Variants in SNTG2 observed in about 807,000 individuals in gnomAD.
SNTG2 encodes syntrophin gamma 2.
A neutral mutation model predicts 70.9 loss-of-function variants in SNTG2; 74 were observed. That is an observed-to-expected ratio of 1.04 (90% CI 0.86 to 1.27). The LOEUF is 1.27. SNTG2 is among the 50% of genes most tolerant of loss of function. The pLI, the probability that SNTG2 is intolerant of heterozygous loss-of-function variation, is 0.00. For missense variants in SNTG2, 717 were observed against 690.7 expected (o/e 1.04, Z -0.43); for synonymous variants, 278 against 273.8 (o/e 1.02, Z -0.15).
chr2:1,290,583 G>C (rs1424162908), intron 14 of SNTG2, among the ~76,000 whole-genome samples: 4 of 152,080 alleles, frequency 2.6e-5, no homozygotes, highest in Admixed American at 2.6e-4. Flanking sequence ...CAAAGTGCTG[G>C]GATTACAGGT....
At chr2:957,043 G>C (rs149646357) in intron 1 of SNTG2, among the ~76,000 whole-genome samples, 1 of 152,194 alleles carries the variant, frequency 6.6e-6, no homozygotes, top group African/African-American at 2.4e-5. Flanking sequence ...GGCTCTGTCA[G>C]TTTGCCTTTT....
chr2:1,144,614 CATG>C (rs1475617805), intron 6 of SNTG2, among the ~76,000 whole-genome samples: 1 of 152,180 alleles, frequency 6.6e-6, no homozygotes, highest in Non-Finnish European at 1.5e-5. Flanking sequence ...GCCTCAGAAT[CATG>C]GTGGAAGGCG....
At chr2:1,274,313 A>G (rs925774982) in intron 14 of SNTG2, among the ~76,000 whole-genome samples, 1 of 152,256 alleles carries the variant, frequency 6.6e-6, no homozygotes, top group Non-Finnish European at 1.5e-5. Flanking sequence ...TTTGTAAACA[A>G]CAATAACTAA....
At chr2:984,066 C>T (rs1045998920) in intron 1 of SNTG2, among the ~76,000 whole-genome samples, 1 of 152,144 alleles carries the variant, frequency 6.6e-6, no homozygotes, top group Non-Finnish European at 1.5e-5. Context: ...CCAAGCTGCC[C>T]CATTGCTGAG....
At chr2:1,142,962 T>C (rs1282597004) in intron 6 of SNTG2, among the ~76,000 whole-genome samples, 1 of 152,226 alleles carries the variant, frequency 6.6e-6, no homozygotes. Flanking sequence ...GGGCTAGTTA[T>C]GAGACTAGAA....
At chr2:989,320 T>TAGTC (rs1024299446) in intron 1 of SNTG2, among the ~76,000 whole-genome samples, 3 of 150,684 alleles carry the variant, frequency 2.0e-5, no homozygotes, top group African/African-American at 7.3e-5. Flanking sequence ...CAGGGATAAA[T>TAGTC]AGTCCCTTTT....
chr2:974,851 G>T (rs529703251), intron 1 of SNTG2, among the ~76,000 whole-genome samples: 3 of 152,194 alleles, frequency 2.0e-5, no homozygotes, highest in Admixed American at 6.5e-5. Context: ...ATTCTCTGTG[G>T]TTAGGGTAGA....
intron 14 of SNTG2, among the ~76,000 whole-genome samples, chr2:1,307,976 G>T (rs1476543865): frequency 6.6e-5 from 10 of 152,200 alleles, no homozygotes; most frequent in African/African-American, 2.4e-4. Flanking sequence ...TGTAGTTTTT[G>T]TTTGTTTTTG....
intron 1 of SNTG2, among the ~76,000 whole-genome samples, chr2:1,001,128 A>G (rs999845139): frequency 1.3e-5 from 2 of 152,048 alleles, no homozygotes; most frequent in African/African-American, 2.4e-5. Context: ...TAAAAATAAT[A>G]AGAGCCATGT....
At chr2:1,342,449 T>C (rs1017948968) in intron 16 of SNTG2, among the ~76,000 whole-genome samples, 1 of 34,664 alleles carries the variant, frequency 2.9e-5, no homozygotes. Context: ...AAGCAGGACA[T>C]GCATAGGAAG....
intron 9 of SNTG2, among the ~76,000 whole-genome samples, chr2:1,222,023 CTCTGCCTATCTCT>C (rs1675098253): frequency 1.2e-5 from 1 of 84,972 alleles, no homozygotes; most frequent in Non-Finnish European, 2.7e-5. Context: ...CTCTCTCTGT[CTCTGCCTATCTCT>C]GTCTCTCTCT....
chr2:1,170,677 C>A (rs1040967241), intron 7 of SNTG2, among the ~76,000 whole-genome samples: 3 of 152,172 alleles, frequency 2.0e-5, no homozygotes, highest in South Asian at 2.1e-4. Flanking sequence ...GAACAGCATC[C>A]GTCCTAGGGA....
intron 6 of SNTG2, among the ~76,000 whole-genome samples, chr2:1,157,055 T>A (rs1669945824): frequency 6.6e-6 from 1 of 152,160 alleles, no homozygotes; most frequent in Non-Finnish European, 1.5e-5. Flanking sequence ...CCTGCATGGA[T>A]TCACTCAGCA....
chr2:955,470 C>A (rs1029843342), intron 1 of SNTG2, among the ~76,000 whole-genome samples: 14 of 152,208 alleles, frequency 9.2e-5, no homozygotes, highest in African/African-American at 3.1e-4. Context: ...CTCCAGAAGA[C>A]AAACTTTCTT....
At chr2:961,656 C>G (rs1217306922) in intron 1 of SNTG2, among the ~76,000 whole-genome samples, 1 of 152,080 alleles carries the variant, frequency 6.6e-6, no homozygotes, top group African/African-American at 2.4e-5. Context: ...CCTGGGATCT[C>G]TTATGTCATT....
chr2:1,263,784 A>G (rs192104823), intron 13 of SNTG2, among the ~76,000 whole-genome samples: 1 of 152,348 alleles, frequency 6.6e-6, no homozygotes, highest in East Asian at 1.9e-4. Flanking sequence ...TGAAGTTATG[A>G]CAACATTTTT....
rs745388505 is a variant in SNTG2, at chr2:1,031,528, ATTTTTTTT to A, written c.73-51977_73-51970del. 8.5e-3 allele frequency among the ~76,000 whole-genome samples: 501 copies of A among 59,126 alleles called. 21 individuals carry two copies. Among genetic ancestry groups the A allele is most frequent in the Middle Eastern group, 0.016 (2 of 128 alleles). The allele number at this position is 59,126 out of a possible 152,430, so 38.8% of individuals were successfully genotyped here. On this transcript the variant is annotated intron_variant, in intron 1 of 16. Coordinates refer to ENST00000308624, the MANE Select transcript of SNTG2 (RefSeq NM_018968.4). The stretch of plus-strand genomic sequence containing the variant: ...CATTGTTATATATATATATATATAT[ATTTTTTTT>A]TTTTTTTTTTTTGAGGCGAAATCTC...
chr2:962,218 C>T (rs1290685743), intron 1 of SNTG2, among the ~76,000 whole-genome samples: 1 of 152,176 alleles, frequency 6.6e-6, no homozygotes, highest in Admixed American at 6.5e-5. Flanking sequence ...GAACCACAGG[C>T]ACATGCCACT....
intron 8 of SNTG2, among the ~76,000 whole-genome samples, chr2:1,181,778 A>G (rs972763828): frequency 2.0e-5 from 3 of 152,080 alleles, no homozygotes; most frequent in African/African-American, 7.2e-5. Flanking sequence ...GCTTGCAGGG[A>G]GCTTTTGTTT....
Sources: gnomAD v4.1 joint callset for allele counts (sites outside exome capture counted in the v4.1 genomes callset) on GRCh38, gnomAD v4.1.1 for gene constraint, MANE v1.5 for transcripts, NCBI Gene and HGNC (gene_info 2026-07-23, HGNC 2026-07-21) for gene names.